The following BBS9 variants were observed in gnomAD, a reference collection of about 807,000 sequenced individuals.
BBS9 encodes Bardet-Biedl syndrome 9.
BBS9 carries 89 observed loss-of-function variants against 117.7 expected under a neutral mutation model. That is an observed-to-expected ratio of 0.76 (90% CI 0.64 to 0.90). The LOEUF is 0.90. BBS9 is among the 40% of genes least tolerant of loss of function. The pLI, the probability that BBS9 is intolerant of heterozygous loss-of-function variation, is 0.00. For synonymous variants in BBS9, 379 were observed against 370.9 expected, an observed-to-expected ratio of 1.02 and a Z score of -0.25; for missense variants, 982 against 1,042.2, an observed-to-expected ratio of 0.94 and a Z score of 0.80.
At chr7:33,253,141 A>G (rs1243407276) in intron 5 of BBS9, among the ~76,000 whole-genome samples, 5 of 152,116 alleles carry the variant, frequency 3.3e-5, no homozygotes, top group Admixed American at 2.6e-4. Context: ...AATTCCCCCA[A>G]TTGTCCCAAT....
At chr7:33,544,620 A>G (rs4720126) in intron 21 of BBS9, among the ~76,000 whole-genome samples, 69,934 of 151,940 alleles carry the variant, frequency 0.46, 16,718 homozygotes, top group South Asian at 0.57. Flanking sequence ...TGGACTCCAT[A>G]AAGGTCCTTA....
At chr7:33,497,145 CTGTT>C (rs1844841759) in intron 19 of BBS9, among the ~76,000 whole-genome samples, 1 of 152,096 alleles carries the variant, frequency 6.6e-6, no homozygotes, top group Non-Finnish European at 1.5e-5. Context: ...TTAGAGCTGT[CTGTT>C]TGGTGTTTAG....
chr7:33,365,266 G>A (rs965452391), intron 16 of BBS9, among the ~76,000 whole-genome samples: 2 of 151,966 alleles, frequency 1.3e-5, no homozygotes, highest in Non-Finnish European at 2.9e-5. Context: ...CTTTGATGCC[G>A]GCACATTTGG....
At chr7:33,540,810 G>C (rs1420575408) in intron 21 of BBS9, among the ~76,000 whole-genome samples, 2 of 152,218 alleles carry the variant, frequency 1.3e-5, no homozygotes, top group Non-Finnish European at 2.9e-5. Flanking sequence ...GTGCGCAGCT[G>C]TTTTTTGGAT....
At chr7:33,372,257 T>C (rs1039344177) in intron 17 of BBS9, among the ~76,000 whole-genome samples, 1 of 152,130 alleles carries the variant, frequency 6.6e-6, no homozygotes, top group Non-Finnish European at 1.5e-5. Flanking sequence ...GGGACAAAGA[T>C]TTCAAGAAAA....
chr7:33,527,132 G>A (rs1469900323), intron 20 of BBS9, among the ~76,000 whole-genome samples: 3 of 151,968 alleles, frequency 2.0e-5, no homozygotes, highest in Non-Finnish European at 4.4e-5. Context: ...CGTACTGGGA[G>A]AACCGCTGCT....
chr7:33,555,134 A>G (rs1855095922), intron 21 of BBS9, among the ~76,000 whole-genome samples: 1 of 152,228 alleles, frequency 6.6e-6, no homozygotes, highest in Admixed American at 6.5e-5. Context: ...TATAGCCAAT[A>G]TAAACACTGT....
At chr7:33,263,172 A>G (rs866945720) in intron 6 of BBS9, among the ~76,000 whole-genome samples, 11 of 152,184 alleles carry the variant, frequency 7.2e-5, no homozygotes, top group Non-Finnish European at 1.3e-4. Flanking sequence ...GAAAATTTAA[A>G]TCATAGTCAT....
intron 19 of BBS9, among the ~76,000 whole-genome samples, chr7:33,496,280 C>G (rs1029754408): frequency 6.6e-6 from 1 of 151,986 alleles, no homozygotes; most frequent in Admixed American, 6.6e-5. Context: ...CCGAGGTGGG[C>G]AGATCATGAG....
chr7:33,548,571 C>T (rs1165614620), intron 21 of BBS9, among the ~76,000 whole-genome samples: 2 of 141,502 alleles, frequency 1.4e-5, no homozygotes, highest in Non-Finnish European at 3.0e-5. Flanking sequence ...TTGTTCAATT[C>T]CCACCTATGA....
intron 19 of BBS9, among the ~76,000 whole-genome samples, chr7:33,455,518 T>G (rs1262846003): frequency 6.6e-6 from 1 of 152,208 alleles, no homozygotes; most frequent in East Asian, 1.9e-4. Flanking sequence ...TCGTTTTTCC[T>G]ATTTCAAAAT....
chr7:33,603,474 G>A (rs1257927567), intron 21 of BBS9, among the ~76,000 whole-genome samples: 1 of 152,082 alleles, frequency 6.6e-6, no homozygotes, highest in Non-Finnish European at 1.5e-5. Flanking sequence ...TGTGACATTG[G>A]CAAGTTACTG....
At chr7:33,351,852 C>T (rs1818718780) in intron 14 of BBS9, 1 of 169,878 alleles carries the variant, frequency 5.9e-6, no homozygotes, top group African/African-American at 2.4e-5. Flanking sequence ...CCCATTTCCC[C>T]AGTGCGCTCG....
chr7:33,567,937 T>C (rs1857165712), intron 21 of BBS9, among the ~76,000 whole-genome samples: 1 of 152,242 alleles, frequency 6.6e-6, no homozygotes, highest in East Asian at 1.9e-4. Flanking sequence ...CCCATTAGCC[T>C]AGCTTAGGCC....
intron 19 of BBS9, among the ~76,000 whole-genome samples, chr7:33,473,340 C>G (rs1395330520): frequency 6.6e-6 from 1 of 150,508 alleles, no homozygotes; most frequent in Non-Finnish European, 1.5e-5. Flanking sequence ...CCCCCCCGCC[C>G]CGAGGCAGAG....
intron 5 of BBS9, chr7:33,243,068 G>T: frequency 2.0e-6 from 1 of 491,284 alleles, no homozygotes; most frequent in Non-Finnish European, 4.1e-6. Flanking sequence ...TATGGACCAC[G>T]TTGTAAATGG....
chr7:33,503,176 G>A (rs1028476688), intron 19 of BBS9, among the ~76,000 whole-genome samples: 10 of 152,010 alleles, frequency 6.6e-5, no homozygotes, highest in Non-Finnish European at 8.8e-5. Flanking sequence ...CTTACAAAAC[G>A]CAAGCTCAAA....
chr7:33,500,721 G>A (rs540856994), intron 19 of BBS9, among the ~76,000 whole-genome samples: 4 of 152,348 alleles, frequency 2.6e-5, no homozygotes, highest in East Asian at 1.9e-4. Context: ...GGACATGTCC[G>A]TGTTCACATA....
chr7:33,292,054 A>C (rs1033026647), intron 9 of BBS9, among the ~76,000 whole-genome samples: 1 of 152,078 alleles, frequency 6.6e-6, no homozygotes, highest in Non-Finnish European at 1.5e-5. Flanking sequence ...GTTGATTTTC[A>C]GTGAATGTTG....
Sources: allele counts gnomAD v4.1 joint callset (sites outside exome capture counted in the v4.1 genomes callset), GRCh38; gene constraint gnomAD v4.1.1; transcripts MANE v1.5; gene names NCBI Gene and HGNC (gene_info 2026-07-23, HGNC 2026-07-21).